Variants in PCSK2 observed in about 807,000 individuals in gnomAD.
The protein encoded by PCSK2 is proprotein convertase subtilisin/kexin type 2, also known as neuroendocrine convertase 2.
A neutral mutation model predicts 69.7 loss-of-function variants in PCSK2; 14 were observed. The ratio of observed to expected loss-of-function variants is 0.20; its 90% CI spans 0.13 to 0.31. PCSK2 has a LOEUF of 0.31. PCSK2 is among the 10% of genes least tolerant of loss of function. The pLI, the probability that PCSK2 is intolerant of heterozygous loss-of-function variation, is 1.00. For missense variants in PCSK2, 544 were observed against 842.5 expected (o/e 0.65, Z 4.39); for synonymous variants, 307 against 320.7 (o/e 0.96, Z 0.46).
At chr20:17,294,087 T>A (rs1988786922) in intron 2 of PCSK2, among the ~76,000 whole-genome samples, 2 of 147,828 alleles carry the variant, frequency 1.4e-5, no homozygotes, top group Non-Finnish European at 3.0e-5. Flanking sequence ...TAAACTTGTA[T>A]AAAGTATTTT....
intron 5 of PCSK2, among the ~76,000 whole-genome samples, chr20:17,404,388 G>T (rs1464523632): frequency 1.3e-5 from 2 of 152,222 alleles, no homozygotes; most frequent in Admixed American, 6.5e-5. Flanking sequence ...AAACAAACAG[G>T]ACACTCGTAG....
intron 2 of PCSK2, among the ~76,000 whole-genome samples, chr20:17,357,018 A>C (rs2030225152): frequency 1.3e-5 from 2 of 152,218 alleles, no homozygotes; most frequent in African/African-American, 4.8e-5. Context: ...AGAGGAAAAA[A>C]AATGTTGGGC....
intron 6 of PCSK2, among the ~76,000 whole-genome samples, chr20:17,417,132 C>A (rs942619251): frequency 1.3e-5 from 2 of 152,050 alleles, no homozygotes; most frequent in Non-Finnish European, 2.9e-5. Flanking sequence ...ATGTAACAAA[C>A]CTGCACGTTG....
chr20:17,335,407 G>A (rs1568607533), intron 2 of PCSK2, among the ~76,000 whole-genome samples: 1 of 140,552 alleles, frequency 7.1e-6, no homozygotes, highest in Non-Finnish European at 1.5e-5. Flanking sequence ...TTGTAAGTCA[G>A]ACAGCATCAC....
At chr20:17,253,096 C>T (rs1008471095) in intron 1 of PCSK2, among the ~76,000 whole-genome samples, 2 of 152,202 alleles carry the variant, frequency 1.3e-5, no homozygotes, top group East Asian at 1.9e-4. Flanking sequence ...TCATAATCTA[C>T]GACTTAGAGA....
At chr20:17,330,983 T>G (rs1355928706) in intron 2 of PCSK2, among the ~76,000 whole-genome samples, 1 of 152,212 alleles carries the variant, frequency 6.6e-6, no homozygotes, top group Non-Finnish European at 1.5e-5. Flanking sequence ...TATCTTTTGC[T>G]CAGAACAGAT....
intron 4 of PCSK2, among the ~76,000 whole-genome samples, chr20:17,365,452 AC>A (rs770474821): frequency 6.6e-6 from 1 of 151,116 alleles, no homozygotes; most frequent in African/African-American, 2.4e-5. Context: ...CGCAAGCACC[AC>A]CCCCCCGAAA....
intron 2 of PCSK2, among the ~76,000 whole-genome samples, chr20:17,316,562 T>A (rs1600484526): frequency 6.6e-6 from 1 of 152,274 alleles, no homozygotes; most frequent in East Asian, 1.9e-4. Context: ...AGTGTCAGAG[T>A]CTGATTCTAA....
At chr20:17,331,801 G>A (rs1057235334) in intron 2 of PCSK2, among the ~76,000 whole-genome samples, 1 of 151,738 alleles carries the variant, frequency 6.6e-6, no homozygotes, top group Non-Finnish European at 1.5e-5. Context: ...TGGCAGAAGT[G>A]TGCAACCTTA....
rs1178970874 is a variant in PCSK2, at chr20:17,453,623, A to G, written c.886-119A>G. The G allele has an allele frequency of 2.0e-6, 2 of 1,015,662 alleles. No homozygotes were observed. Among genetic ancestry groups the G allele is most frequent in the Admixed American group, 2.5e-5 (1 of 39,602 alleles). The allele number at this position is 1,015,662 out of a possible 1,614,324, so 62.9% of individuals were successfully genotyped here. On this transcript the variant is annotated intron_variant, in intron 8 of 11. Transcript: ENST00000262545. This position sits in a 1 kb window ranked among gnomAD's most constrained non-coding sequence, Gnocchi z 4.0. ...ATATGGTGTCCAACCCAGTTTAAAA[A>G]GTGCACCCAGTCTTTAGGTTCAACT...
At chr20:17,298,675 C>T (rs762187917) in intron 2 of PCSK2, among the ~76,000 whole-genome samples, 1 of 151,882 alleles carries the variant, frequency 6.6e-6, no homozygotes, top group African/African-American at 2.4e-5. Flanking sequence ...TATCCCTCGA[C>T]GGGCTAGAAA....
rs114521760 is a variant in PCSK2, at chr20:17,454,574, C to T, written c.1101+617C>T. ...AAAAAAAATCTTCCTTTCTTGGCAA[C>T]TAGGTATAATGGTGAATTTTCCAAG... is the stretch of plus-strand genomic sequence containing the variant. On this transcript the variant is annotated intron_variant, in intron 9 of 11. Transcript: ENST00000262545. Among the ~76,000 whole-genome samples, 228 of 152,288 alleles carry T rather than the reference C, an allele frequency of 1.5e-3. 2 individuals are homozygous for T. The highest frequency in any genetic ancestry group is 4.8e-3 in the African/African-American group (200 of 41,556).
At chr20:17,391,925 G>GAAGGAAGGAAGT (rs1271105953) in intron 5 of PCSK2, among the ~76,000 whole-genome samples, 1 of 145,382 alleles carries the variant, frequency 6.9e-6, no homozygotes, top group African/African-American at 2.5e-5. Flanking sequence ...AGGAAGGAAG[G>GAAGGAAGGAAGT]AAGGAAGGAA....
At chr20:17,429,808 A>T (rs2032327596) in intron 7 of PCSK2, among the ~76,000 whole-genome samples, 1 of 152,200 alleles carries the variant, frequency 6.6e-6, no homozygotes, top group Non-Finnish European at 1.5e-5. Context: ...AAATGTAACC[A>T]GCACCCCAAA....
intron 2 of PCSK2, among the ~76,000 whole-genome samples, chr20:17,297,401 G>T (rs1371090339): frequency 6.6e-6 from 1 of 152,212 alleles, no homozygotes; most frequent in African/African-American, 2.4e-5. Context: ...TGGTGGAGTT[G>T]CCTGGGCAGA....
intron 2 of PCSK2, among the ~76,000 whole-genome samples, chr20:17,357,466 G>A (rs529878437): frequency 2.6e-5 from 4 of 152,292 alleles, no homozygotes; most frequent in African/African-American, 9.6e-5. Flanking sequence ...TAAAGACTGG[G>A]AAGCCATCCA....
intron 1 of PCSK2, among the ~76,000 whole-genome samples, chr20:17,235,145 T>G (rs1309484702): frequency 6.6e-6 from 1 of 151,600 alleles, no homozygotes; most frequent in Admixed American, 6.6e-5. Flanking sequence ...TTTTTGTCAC[T>G]GAAGCTAATT....
chr20:17,357,750 T>G (rs2030250546), intron 2 of PCSK2, among the ~76,000 whole-genome samples: 1 of 151,858 alleles, frequency 6.6e-6, no homozygotes. Flanking sequence ...CAAAATTAGC[T>G]GGGTGTGGTG....
At chr20:17,310,796 T>C (rs1934891) in intron 2 of PCSK2, among the ~76,000 whole-genome samples, 106,044 of 150,750 alleles carry the variant, frequency 0.7, 37,591 homozygotes, top group East Asian at 0.91. Context: ...TCAAGACCAG[T>C]CTGGCCAAGA....
Sources: allele counts gnomAD v4.1 joint callset (sites outside exome capture counted in the v4.1 genomes callset), GRCh38; gene constraint gnomAD v4.1.1; non-coding constraint Gnocchi (gnomAD v3.1); transcripts MANE v1.5; gene names NCBI Gene and HGNC (gene_info 2026-07-23, HGNC 2026-07-21).